The following PSMG2 variants were observed in gnomAD, a reference collection of about 807,000 sequenced individuals.
PSMG2 encodes the protein CD40 ligand-activated specific transcript 3.
In PSMG2, 21 loss-of-function variants were observed where a neutral mutation model predicts 31.5. The observed-to-expected ratio is 0.67, with a 90% CI of 0.47 to 0.96. The LOEUF is 0.96. Ranked by LOEUF, PSMG2 falls within the 40% of genes least tolerant of loss-of-function variation. The probability of loss-of-function intolerance (pLI) is 0.00; values close to 1 mark genes in which losing one functional copy is unlikely to be tolerated. For synonymous variants in PSMG2, 120 were observed against 110.4 expected (o/e 1.09, Z -0.54); for missense variants, 318 against 321.2 (o/e 0.99, Z 0.08).
chr18:12,678,140 T>G, intron 1 of PSMG2: 1 of 1,613,508 alleles, frequency 6.2e-7, no homozygotes, highest in Non-Finnish European at 8.5e-7. Flanking sequence ...GAGCCTCAGC[T>G]GCATTTCAAT....
chr18:12,702,479 C>G, upstream of PSMG2: 1 of 1,605,062 alleles, frequency 6.2e-7, no homozygotes, highest in Non-Finnish European at 8.5e-7. Context: ...GCACCCGCGA[C>G]TCTCACCTTG....
intron 1 of PSMG2, among the ~76,000 whole-genome samples, chr18:12,703,733 T>G (rs1568038772): frequency 6.6e-6 from 1 of 152,088 alleles, no homozygotes; most frequent in Admixed American, 6.6e-5. Context: ...GCTAGAAGCT[T>G]GAAAGGGTAT....
chr18:12,693,698 G>A (rs898598210), intron 1 of PSMG2, among the ~76,000 whole-genome samples: 2 of 152,078 alleles, frequency 1.3e-5, no homozygotes, highest in African/African-American at 2.4e-5. Flanking sequence ...CAGGAGAATT[G>A]CTTGAACTCG....
At chr18:12,707,367 A>G (rs1009076466) in intron 2 of PSMG2, among the ~76,000 whole-genome samples, 2 of 152,156 alleles carry the variant, frequency 1.3e-5, no homozygotes, top group African/African-American at 4.8e-5. Context: ...TGTAACCATC[A>G]CTAATAATAT....
intron 1 of PSMG2, chr18:12,671,130 T>TTGG (rs141935819): frequency 2.7e-5 from 4 of 149,224 alleles, no homozygotes; most frequent in Non-Finnish European, 3.0e-5. Flanking sequence ...TTTAGAGAAA[T>TTGG]AGGGGGGGGT....
intron 1 of PSMG2, 126 bp downstream of exon 1, chr18:12,703,290 C>A: frequency 2.6e-6 from 3 of 1,142,738 alleles, no homozygotes; most frequent in South Asian, 1.6e-5. Flanking sequence ...ATGTTTTCGG[C>A]CGGAAAAAAC....
upstream of PSMG2, chr18:12,702,587 C>CA (rs1292216876): frequency 6.3e-7 from 1 of 1,588,236 alleles, no homozygotes; most frequent in East Asian, 2.3e-5. Context: ...CTCCCCGCCT[C>CA]AGATGCCCTA....
At chr18:12,717,552 G>A (rs978294617) in intron 3 of PSMG2, among the ~76,000 whole-genome samples, 2 of 152,184 alleles carry the variant, frequency 1.3e-5, no homozygotes, top group African/African-American at 2.4e-5. Flanking sequence ...CATCTTTCAA[G>A]AACAGGACAC....
intron 1 of PSMG2, among the ~76,000 whole-genome samples, chr18:12,688,217 A>G (rs896910078): frequency 3.0e-5 from 4 of 134,410 alleles, no homozygotes; most frequent in African/African-American, 1.2e-4. Context: ...GGCGAGAGCG[A>G]GACTCCATCT....
upstream of PSMG2, chr18:12,699,148 A>AG: frequency 3.7e-6 from 6 of 1,614,152 alleles, no homozygotes; most frequent in Non-Finnish European, 5.1e-6. Flanking sequence ...GTTCCAAGAA[A>AG]GCTTTTCCAC....
At chr18:12,672,288 G>A (rs8086265) in intron 1 of PSMG2, among the ~76,000 whole-genome samples, 38,773 of 151,398 alleles carry the variant, frequency 0.26, 5,337 homozygotes, top group Non-Finnish European at 0.32. Context: ...CCTAATTTTC[G>A]TATTTTTAGT....
intron 4 of PSMG2, among the ~76,000 whole-genome samples, chr18:12,720,008 C>T (rs1407132392): frequency 1.3e-5 from 2 of 151,936 alleles, no homozygotes; most frequent in Non-Finnish European, 2.9e-5. Flanking sequence ...TGAGCCACCA[C>T]GCCCGGCCCC....
At chr18:12,706,006 A>C (rs978300112) in intron 1 of PSMG2, among the ~76,000 whole-genome samples, 2 of 152,236 alleles carry the variant, frequency 1.3e-5, no homozygotes, top group African/African-American at 4.8e-5. Context: ...CTGCATTCCC[A>C]GTGCCTAGAG....
intron 1 of PSMG2, chr18:12,680,907 A>C (rs1448844117): frequency 1.5e-6 from 2 of 1,303,722 alleles, no homozygotes; most frequent in Non-Finnish European, 2.1e-6. Context: ...AATTATAATA[A>C]AAATTTATTG....
intron 1 of PSMG2, among the ~76,000 whole-genome samples, chr18:12,676,350 C>G (rs9957880): frequency 0.4 from 57,518 of 143,218 alleles, 11,628 homozygotes; most frequent in Non-Finnish European, 0.45. Flanking sequence ...GTGGCACAAT[C>G]TCGGCTCACT....
At chr18:12,673,858 G>A (rs2039021563) in intron 1 of PSMG2, among the ~76,000 whole-genome samples, 1 of 152,184 alleles carries the variant, frequency 6.6e-6, no homozygotes, top group African/African-American at 2.4e-5. Flanking sequence ...TACAGCCTGG[G>A]CGACAGACTG....
intron 1 of PSMG2, 78 bp downstream of exon 1, chr18:12,703,242 C>T (rs2040217962): frequency 2.7e-6 from 4 of 1,455,548 alleles, no homozygotes; most frequent in African/African-American, 1.4e-5. Flanking sequence ...GGGTGTTTGG[C>T]GGTGCCTTGG....
upstream of PSMG2, chr18:12,698,999 T>C: frequency 6.2e-7 from 1 of 1,612,632 alleles, no homozygotes; most frequent in Admixed American, 1.7e-5. Flanking sequence ...TCTGTGTACT[T>C]CAAGTAAAAA....
At chr18:12,710,898 G>A (rs916910152) in intron 2 of PSMG2, among the ~76,000 whole-genome samples, 5 of 152,188 alleles carry the variant, frequency 3.3e-5, no homozygotes, top group South Asian at 2.1e-4. Context: ...TCAGGAGTTC[G>A]AGACCAGCCT....
Sources: gnomAD v4.1 joint callset for allele counts (sites outside exome capture counted in the v4.1 genomes callset) on GRCh38, gnomAD v4.1.1 for gene constraint, MANE v1.5 for transcripts, NCBI Gene and HGNC (gene_info 2026-07-23, HGNC 2026-07-21) for gene names.